HSPA4: variants seen among roughly 807,000 people sequenced by gnomAD.
HSPA4 encodes the protein heat shock 70 kDa protein 4.
A neutral mutation model predicts 106.2 loss-of-function variants in HSPA4; 25 were observed. The observed-to-expected ratio is 0.24, with a 90% CI of 0.17 to 0.33. The LOEUF is 0.33. Among genes scored for constraint, HSPA4 ranks in the 10% least tolerant of loss-of-function variants. HSPA4 has a pLI of 1.00. For missense variants in HSPA4, 841 were observed against 996.0 expected, an observed-to-expected ratio of 0.84 and a Z score of 2.10; for synonymous variants, 332 against 333.6, an observed-to-expected ratio of 1.00 and a Z score of 0.05.
chr5:133,057,728 A>C (rs971360700), intron 1 of HSPA4, among the ~76,000 whole-genome samples: 10 of 152,176 alleles, frequency 6.6e-5, no homozygotes, highest in Admixed American at 4.6e-4. Flanking sequence ...ACTTGATTTG[A>C]ATTAACTCCG....
At chr5:133,061,050 C>T (rs1032893554) in intron 1 of HSPA4, among the ~76,000 whole-genome samples, 5 of 151,680 alleles carry the variant, frequency 3.3e-5, no homozygotes, top group East Asian at 3.9e-4. Context: ...AGACTTGGTA[C>T]GTGCACACAC....
chr5:133,080,787 A>G (rs1456190059), intron 7 of HSPA4, among the ~76,000 whole-genome samples: 2 of 151,592 alleles, frequency 1.3e-5, no homozygotes, highest in African/African-American at 4.8e-5. Flanking sequence ...TTATTCTTAT[A>G]CTTCTAATTC....
chr5:133,062,028 A>C (rs1315057638), intron 1 of HSPA4, among the ~76,000 whole-genome samples: 1 of 152,206 alleles, frequency 6.6e-6, no homozygotes, highest in Middle Eastern at 3.2e-3. Flanking sequence ...GGTACTAAGC[A>C]TTTCAGACGT....
At chr5:133,083,390 G>C (rs1281207355) in intron 7 of HSPA4, among the ~76,000 whole-genome samples, 1 of 152,088 alleles carries the variant, frequency 6.6e-6, no homozygotes, top group African/African-American at 2.4e-5. Flanking sequence ...TTTGATTTCA[G>C]ATAGTTTCAG....
chr5:133,085,860 T>C (rs1581475896), intron 7 of HSPA4, among the ~76,000 whole-genome samples: 1 of 152,132 alleles, frequency 6.6e-6, no homozygotes, highest in African/African-American at 2.4e-5. Context: ...ACTTACACAT[T>C]GTTAAAACTC....
At chr5:133,060,879 G>A (rs1481910500) in intron 1 of HSPA4, among the ~76,000 whole-genome samples, 1 of 147,226 alleles carries the variant, frequency 6.8e-6, no homozygotes, top group Non-Finnish European at 1.5e-5. Flanking sequence ...GAGTGTAGTG[G>A]CATGATTTTA....
intron 1 of HSPA4, among the ~76,000 whole-genome samples, chr5:133,057,923 A>G (rs1467607628): frequency 1.3e-5 from 2 of 152,242 alleles, no homozygotes; most frequent in East Asian, 3.8e-4. Context: ...AGTAAATAGA[A>G]TGAGTCCAAT....
intron 4 of HSPA4, among the ~76,000 whole-genome samples, chr5:133,072,389 G>GT (rs1561579032): frequency 8.7e-5 from 9 of 103,232 alleles, no homozygotes; most frequent in Non-Finnish European, 1.3e-4. Context: ...CTGGTCCAGG[G>GT]TTGTTTTTTT....
intron 13 of HSPA4, among the ~76,000 whole-genome samples, chr5:133,093,573 C>G (rs1219057290): frequency 6.6e-6 from 1 of 152,062 alleles, no homozygotes; most frequent in African/African-American, 2.4e-5. Context: ...TCACTGCAGC[C>G]CCCGCCTTCC....
chr5:133,052,998 A>G (rs1765101909), intron 1 of HSPA4: 1 of 152,260 alleles, frequency 6.6e-6, no homozygotes, highest in Non-Finnish European at 1.5e-5. Flanking sequence ...TGTTTTCCAC[A>G]TTATTTCGGG....
chr5:133,081,198 C>A (rs1349684840), intron 7 of HSPA4, among the ~76,000 whole-genome samples: 1 of 152,184 alleles, frequency 6.6e-6, no homozygotes, highest in South Asian at 2.1e-4. Flanking sequence ...CAGGTGGGGG[C>A]CACCACGCCC....
Position 133,088,414 on chromosome 5 carries a change from A to G in HSPA4, c.996A>G (p.Lys332=). The part of the protein sequence containing the change: ...RSVLEQTKLK[K]EDIYAVEIVG... The stretch of plus-strand genomic sequence containing the variant: ...ATTCTTTAAAAATAGAGTTAAAGAA[A>G]GAAGATATTTATGCAGTGGAGATAG... Residue 332 remains lysine (K), a synonymous_variant, in exon 9 of 19, where the codon AAA becomes AAG. Transcript: ENST00000304858. 1 of 1,605,278 alleles carries G rather than the reference A, an allele frequency of 6.2e-7. No individual in the cohort carries two copies. The highest frequency in any genetic ancestry group is 8.5e-7 in the Non-Finnish European group (1 of 1,172,856).
intron 3 of HSPA4, among the ~76,000 whole-genome samples, chr5:133,068,434 G>A (rs369926848): frequency 6.6e-6 from 1 of 151,956 alleles, no homozygotes; most frequent in Non-Finnish European, 1.5e-5. Flanking sequence ...ATCCATGAGG[G>A]GGGGTGGGGG....
At position 133,105,890 on chromosome 5, in the gene HSPA4, T is replaced by G. The variant is rs569656812; in HGVS notation, c.*1454T>G. The G allele has an allele frequency of 6.6e-6, 1 of 151,996 alleles. No homozygotes were observed. The highest frequency in any genetic ancestry group is 2.4e-5 in the African/African-American group (1 of 41,368). The allele number at this position is 151,996 out of a possible 1,614,324, so 9.4% of individuals were successfully genotyped here. On this transcript the variant is annotated 3_prime_UTR_variant, in exon 19 of 19. Transcript: ENST00000304858. ...GAGGAGGAAGGGGAAAGTATACTTA[T>G]GTTGGTGTGTAAGCATGCATGGAGG...
At position 133,097,197 on chromosome 5, in the gene HSPA4, C is replaced by T. The variant is rs754307948; in HGVS notation, c.1840C>T (p.Arg614Trp). 5 of 1,610,048 alleles carry T rather than the reference C, an allele frequency of 3.1e-6. No homozygotes were observed. The highest frequency in any genetic ancestry group is 1.7e-5 in the Admixed American group (1 of 59,986). Residue 614 changes from arginine to tryptophan, a missense_variant, in exon 15 of 19, where the codon CGG becomes TGG. By Grantham distance (101) the Arg-to-Trp change is moderately radical (BLOSUM62 -3). This residue lies in a region of HSPA4 where 328 missense variants were observed against 372.2 expected (regional missense o/e 0.88). Transcript: ENST00000304858. Reference sequence around the variant, plus strand: ...CATGCAGGATAAACTGGAGAAGGAGCGGAATGATGCTAAGAACGCAGTGGA... The same window carrying T: ...CATGCAGGATAAACTGGAGAAGGAGTGGAATGATGCTAAGAACGCAGTGGA... ...MIMQDKLEKE[R>W]NDAKNAVEEY...
intron 7 of HSPA4, among the ~76,000 whole-genome samples, chr5:133,084,276 C>G (rs1374964420): frequency 1.3e-5 from 2 of 152,032 alleles, no homozygotes; most frequent in Admixed American, 6.6e-5. Context: ...ATTTGTTGTT[C>G]TTCTGTATTG....
At chr5:133,092,024 A>G (rs548270469) in intron 12 of HSPA4, among the ~76,000 whole-genome samples, 18 of 152,182 alleles carry the variant, frequency 1.2e-4, no homozygotes, top group South Asian at 8.3e-4. Context: ...ACTCTAGCCT[A>G]TGTGTCAGAG....
chr5:133,103,102 C>T (rs554908063), intron 17 of HSPA4, among the ~76,000 whole-genome samples: 1 of 151,668 alleles, frequency 6.6e-6, no homozygotes, highest in South Asian at 2.1e-4. Flanking sequence ...CAGTCTGTTG[C>T]CCATGCTCTA....
chr5:133,058,564 G>A (rs995901304), intron 1 of HSPA4, among the ~76,000 whole-genome samples: 4 of 151,992 alleles, frequency 2.6e-5, no homozygotes, highest in African/African-American at 9.7e-5. Flanking sequence ...TGTAATCCCA[G>A]CTGAGGATGA....
Sources: allele counts gnomAD v4.1 joint callset (sites outside exome capture counted in the v4.1 genomes callset), GRCh38; gene constraint gnomAD v4.1.1; regional missense constraint gnomAD v4.1.1; transcripts MANE v1.5; gene names NCBI Gene and HGNC (gene_info 2026-07-23, HGNC 2026-07-21).